Variants in MAMDC2 observed in about 807,000 individuals in gnomAD.
MAMDC2 encodes the protein MAM domain containing 2.
A neutral mutation model predicts 89.8 loss-of-function variants in MAMDC2; 57 were observed. The observed-to-expected ratio is 0.63, with a 90% CI of 0.51 to 0.79. The LOEUF (loss-of-function observed/expected upper bound fraction) is 0.79. Ranked by LOEUF, MAMDC2 falls within the 30% of genes least tolerant of loss-of-function variation. MAMDC2 has a pLI of 0.00. For synonymous variants in MAMDC2, 313 were observed against 293.4 expected (o/e 1.07, Z -0.68); for missense variants, 800 against 820.6 (o/e 0.97, Z 0.31).
chr9:70,088,066 A>C (rs975964939), intron 2 of MAMDC2, among the ~76,000 whole-genome samples: 1 of 152,116 alleles, frequency 6.6e-6, no homozygotes, highest in Admixed American at 6.6e-5. Context: ...GGGAAAGTAA[A>C]ATAAGATCAG....
intron 9 of MAMDC2, among the ~76,000 whole-genome samples, chr9:70,165,209 C>G (rs556406338): frequency 6.6e-6 from 1 of 152,126 alleles, no homozygotes; most frequent in Non-Finnish European, 1.5e-5. Flanking sequence ...AAGAACAGGA[C>G]AAGATGTTTG....
At chr9:70,217,442 C>A in intron 11 of MAMDC2, 1 of 1,335,610 alleles carries the variant, frequency 7.5e-7, no homozygotes, top group South Asian at 1.2e-5. Context: ...AGGGCCATTA[C>A]TGGTGCATCT....
chr9:70,204,873 T>C (rs2033188418), intron 11 of MAMDC2, among the ~76,000 whole-genome samples: 1 of 152,250 alleles, frequency 6.6e-6, no homozygotes, highest in African/African-American at 2.4e-5. Flanking sequence ...CCCTGACCCC[T>C]TGTGCTTCCC....
intron 6 of MAMDC2, 84 bp downstream of exon 6, chr9:70,126,499 T>C: frequency 7.2e-7 from 1 of 1,386,578 alleles, no homozygotes; most frequent in Non-Finnish European, 9.9e-7. Context: ...GGAGAGGCTG[T>C]GCAGCCTCAC....
chr9:70,138,416 G>T (rs558675919), intron 7 of MAMDC2, among the ~76,000 whole-genome samples: 14 of 152,252 alleles, frequency 9.2e-5, no homozygotes, highest in Admixed American at 8.5e-4. Context: ...CCTTTGACTA[G>T]ATACCCAGTA....
intron 9 of MAMDC2, among the ~76,000 whole-genome samples, chr9:70,162,286 A>C: frequency 6.6e-6 from 1 of 152,294 alleles, no homozygotes; most frequent in East Asian, 1.9e-4. Flanking sequence ...ATTTGATTTG[A>C]TTTGACTTCA....
intron 11 of MAMDC2, among the ~76,000 whole-genome samples, chr9:70,184,929 G>A (rs2032718871): frequency 6.6e-6 from 1 of 152,122 alleles, no homozygotes; most frequent in South Asian, 2.1e-4. Context: ...TGCTGGAGAA[G>A]AGTTCTGATC....
intron 7 of MAMDC2, among the ~76,000 whole-genome samples, chr9:70,137,545 G>T (rs1469068335): frequency 1.3e-5 from 2 of 152,108 alleles, no homozygotes; most frequent in Admixed American, 6.6e-5. Flanking sequence ...GCATTTGATT[G>T]TCATGCCTCT....
intron 11 of MAMDC2, among the ~76,000 whole-genome samples, chr9:70,189,355 A>ACTAT (rs2032829373): frequency 6.6e-6 from 1 of 152,068 alleles, no homozygotes; most frequent in African/African-American, 2.4e-5. Context: ...ATGTCATCTC[A>ACTAT]CTATCTTCTG....
At chr9:70,149,929 G>C (rs2031531948) in intron 9 of MAMDC2, among the ~76,000 whole-genome samples, 1 of 152,228 alleles carries the variant, frequency 6.6e-6, no homozygotes, top group Non-Finnish European at 1.5e-5. Context: ...GGATATGTCT[G>C]TGTAGTGCCC....
chr9:70,119,772 C>T (rs1237029654), intron 5 of MAMDC2, among the ~76,000 whole-genome samples: 1 of 152,170 alleles, frequency 6.6e-6, no homozygotes, highest in Non-Finnish European at 1.5e-5. Context: ...TACTGTACTG[C>T]TTCTGGCTGC....
Position 70,043,889 on chromosome 9 carries a change from T to C in MAMDC2, c.-309T>C, listed in dbSNP as rs903247862. 4.2e-6 allele frequency: 2 copies of C among 480,242 alleles called. No individual in the cohort carries two copies. The highest frequency in any genetic ancestry group is 7.4e-6 in the Non-Finnish European group (2 of 269,254). 29.7% of individuals were successfully genotyped at this position (480,242 alleles called of 1,614,324 possible). A position where few individuals can be genotyped will look rare whatever the true frequency, so the allele number is the denominator to read the frequency against. On this transcript the variant is annotated 5_prime_UTR_variant, in exon 1 of 14. Transcript: ENST00000377182. ...GCCAGTCGTGGCTGGCCTTTCAAAG[T>C]GTGCAGTTGTCTCCTCCCTGTCCAG...
In MAMDC2 at chr9:70,126,311, C is replaced by A; in HGVS notation, c.796C>A (p.Arg266=). The A allele has an allele frequency of 6.2e-7, 1 of 1,614,160 alleles. No individual in the cohort carries two copies. Residue 266 remains arginine (R), a synonymous_variant, in exon 6 of 14, where the codon CGG becomes AGG. Coordinates refer to ENST00000377182, the MANE Select transcript of MAMDC2 (RefSeq NM_153267.5). The stretch of plus-strand genomic sequence containing the variant: ...TGACAATGTCTTTTCCCTTTACACT[C>A]GGGATGTGGCTGGCCTTTACGAGGA... ...GNDNVFSLYT[R]DVAGLYEEIW...
At chr9:70,143,521 T>C in intron 8 of MAMDC2, 33 bp from the exon 9 acceptor site, 1 of 1,607,386 alleles carries the variant, frequency 6.2e-7, no homozygotes, top group African/African-American at 1.3e-5. Context: ...TTAGATTATT[T>C]TGCATTGCTG....
At chr9:70,135,274 T>C (rs2030961113) in intron 7 of MAMDC2, among the ~76,000 whole-genome samples, 1 of 152,144 alleles carries the variant, frequency 6.6e-6, no homozygotes, top group African/African-American at 2.4e-5. Flanking sequence ...ATGCTTCAAA[T>C]ACATCATTGC....
chr9:70,120,058 G>A (rs554335334), intron 5 of MAMDC2, among the ~76,000 whole-genome samples: 17 of 152,238 alleles, frequency 1.1e-4, no homozygotes, highest in African/African-American at 2.2e-4. Flanking sequence ...TGGAATTACC[G>A]CACTGGTAGG....
chr9:70,134,151 G>A (rs1277157275), intron 7 of MAMDC2, among the ~76,000 whole-genome samples: 1 of 152,082 alleles, frequency 6.6e-6, no homozygotes, highest in Non-Finnish European at 1.5e-5. Context: ...GGCTAAGACA[G>A]GAATCATATC....
chr9:70,218,006 C>T (rs117359146), intron 11 of MAMDC2, among the ~76,000 whole-genome samples: 127 of 152,240 alleles, frequency 8.3e-4, no homozygotes, highest in Admixed American at 1.4e-3. Flanking sequence ...TCCAAACCAA[C>T]GTCTGGAAGC....
At chr9:70,162,964 T>G (rs2032030553) in intron 9 of MAMDC2, among the ~76,000 whole-genome samples, 1 of 151,952 alleles carries the variant, frequency 6.6e-6, no homozygotes, top group Admixed American at 6.6e-5. Flanking sequence ...TGAGGAGCAT[T>G]TGCTCAGTGA....
Sources: allele counts gnomAD v4.1 joint callset (sites outside exome capture counted in the v4.1 genomes callset), GRCh38; gene constraint gnomAD v4.1.1; transcripts MANE v1.5; gene names NCBI Gene and HGNC (gene_info 2026-07-23, HGNC 2026-07-21).